The following MAP4K4 variants were observed in gnomAD, a reference collection of about 807,000 sequenced individuals.
MAP4K4 encodes HPK/GCK-like kinase HGK.
Under a neutral mutation model 189.6 loss-of-function variants are expected in MAP4K4, and 38 were observed. The ratio of observed to expected loss-of-function variants is 0.20; its 90% CI spans 0.15 to 0.26. The LOEUF (loss-of-function observed/expected upper bound fraction) is 0.26, where lower values mean the gene tolerates loss of function less well. Among genes scored for constraint, MAP4K4 ranks in the 10% least tolerant of loss-of-function variants. The probability of loss-of-function intolerance (pLI) is 1.00; values close to 1 mark genes in which losing one functional copy is unlikely to be tolerated. For synonymous variants in MAP4K4, 610 were observed against 624.3 expected (o/e 0.98, Z 0.34); for missense variants, 1,054 against 1,726.9 (o/e 0.61, Z 6.91).
exon 33 of MAP4K4, chr2:101,891,317 T>G: frequency 7.1e-7 from 1 of 1,402,612 alleles, no homozygotes; most frequent in Non-Finnish European, 1.0e-6. Context: ...GAATTCCTTG[T>G]AACTGGAGCT....
At chr2:101,816,401 C>G (rs2095716547) in intron 3 of MAP4K4, among the ~76,000 whole-genome samples, 1 of 152,188 alleles carries the variant, frequency 6.6e-6, no homozygotes, top group African/African-American at 2.4e-5. Context: ...GCTTATCACA[C>G]CCTCCTTTAG....
intron 27 of MAP4K4, among the ~76,000 whole-genome samples, chr2:101,879,014 A>G (rs1015899495): frequency 6.6e-6 from 1 of 151,918 alleles, no homozygotes; most frequent in Non-Finnish European, 1.5e-5. Context: ...ATCCAGTGAA[A>G]CAAGACAGTT....
intron 2 of MAP4K4, among the ~76,000 whole-genome samples, chr2:101,709,576 G>A (rs541418424): frequency 6.6e-6 from 1 of 152,244 alleles, no homozygotes; most frequent in South Asian, 2.1e-4. Flanking sequence ...CTATCAGCGA[G>A]GTCACTGGTA....
At chr2:101,854,372 C>G (rs1000573928) in intron 12 of MAP4K4, among the ~76,000 whole-genome samples, 5 of 152,162 alleles carry the variant, frequency 3.3e-5, no homozygotes, top group Non-Finnish European at 5.9e-5. Flanking sequence ...ATGACCCCAT[C>G]TCCACCCATG....
At chr2:101,894,236 C>T (rs1045471224) in exon 33 of MAP4K4, 1 of 152,682 alleles carries the variant, frequency 6.5e-6, no homozygotes, top group Non-Finnish European at 1.5e-5. Context: ...AGTGCTCTTC[C>T]AAACAAAACA....
intron 9 of MAP4K4, among the ~76,000 whole-genome samples, chr2:101,836,414 G>A (rs554646829): frequency 3.3e-5 from 5 of 152,002 alleles, no homozygotes; most frequent in East Asian, 1.9e-4. Flanking sequence ...GAGAAACCCC[G>A]TCTCTACTAT....
chr2:101,726,443 A>G (rs2055422928), intron 2 of MAP4K4, among the ~76,000 whole-genome samples: 1 of 152,140 alleles, frequency 6.6e-6, no homozygotes. Flanking sequence ...TTTCTTCCTT[A>G]GTATTTTAGT....
chr2:101,848,398 C>T (rs1320194288), intron 12 of MAP4K4, among the ~76,000 whole-genome samples: 1 of 152,126 alleles, frequency 6.6e-6, no homozygotes, highest in Non-Finnish European at 1.5e-5. Context: ...TGGTTCGTAG[C>T]CCTTTATTGG....
chr2:101,773,778 A>G (rs759702242), intron 2 of MAP4K4, among the ~76,000 whole-genome samples: 1 of 152,088 alleles, frequency 6.6e-6, no homozygotes, highest in Non-Finnish European at 1.5e-5. Context: ...CTTCTACTAT[A>G]TCTCCATGAG....
At chr2:101,729,174 C>T (rs569319989) in intron 2 of MAP4K4, among the ~76,000 whole-genome samples, 1 of 148,822 alleles carries the variant, frequency 6.7e-6, no homozygotes, top group African/African-American at 2.5e-5. Flanking sequence ...CCTGTAAGGC[C>T]TTCCCTGGAA....
intron 3 of MAP4K4, among the ~76,000 whole-genome samples, chr2:101,804,124 G>A (rs1221649801): frequency 1.3e-5 from 2 of 152,142 alleles, no homozygotes; most frequent in African/African-American, 4.8e-5. Flanking sequence ...ATTGTTCCAC[G>A]TTAGCCTGCA....
chr2:101,859,774 G>C, exon 15 of MAP4K4: 1 of 1,610,452 alleles, frequency 6.2e-7, no homozygotes, highest in Non-Finnish European at 8.5e-7. Flanking sequence ...ACTCGCAGCA[G>C]CCGCCACCAC....
At chr2:101,863,865 T>A (rs759674111) in exon 17 of MAP4K4, 8 of 1,367,738 alleles carry the variant, frequency 5.8e-6, no homozygotes, top group Non-Finnish European at 7.8e-6. Flanking sequence ...ATGTTTCCCC[T>A]GTCTCGCGAT....
intron 3 of MAP4K4, among the ~76,000 whole-genome samples, chr2:101,795,108 G>C (rs1018331563): frequency 6.6e-5 from 10 of 152,154 alleles, no homozygotes; most frequent in Admixed American, 2.0e-4. Context: ...CCCATTATTA[G>C]TGAAGCCAAG....
chr2:101,740,915 T>C lies in MAP4K4; in HGVS notation c.123+42377T>C, dbSNP rs142185756. Among the ~76,000 whole-genome samples, 139 of 152,306 alleles carry C rather than the reference T, an allele frequency of 9.1e-4. 4 individuals are homozygous for C. In the East Asian group the frequency reaches 0.017, roughly 19 times the overall value. ...AGTGATTACAGTCAGCATTTGAATG[T>C]GTATGAGCCAGACCCTGAACTGTTT... On this transcript the variant is annotated intron_variant, in intron 2 of 32. Coordinates refer to ENST00000324219, the Ensembl canonical transcript of MAP4K4.
In MAP4K4 at chr2:101,892,515, C is replaced by T. The variant is rs2098584649; in HGVS notation, c.*1266C>T. On this transcript the variant is annotated 3_prime_UTR_variant, in exon 33 of 33. Coordinates refer to ENST00000324219, the Ensembl canonical transcript of MAP4K4. The stretch of plus-strand genomic sequence containing the variant: ...GTTCTCGATGTAGAGGGGTTGGTAG[C>T]AGACAGGTGGTTACATTAGAATAGT... The T allele has an allele frequency of 1.5e-5, 3 of 200,484 alleles. No homozygotes were observed. In the South Asian group the frequency reaches 2.2e-4, roughly 15 times the overall value. 12.4% of individuals were successfully genotyped at this position (200,484 alleles called of 1,614,324 possible).
At chr2:101,720,887 A>G (rs2051492836) in intron 2 of MAP4K4, among the ~76,000 whole-genome samples, 1 of 152,138 alleles carries the variant, frequency 6.6e-6, no homozygotes, top group Non-Finnish European at 1.5e-5. Flanking sequence ...CATATTTTGC[A>G]TTTTGTTGCA....
rs80135123 is a variant in MAP4K4 at position 101,789,491 on chromosome 2, C to T, written c.124-1229C>T. Among the ~76,000 whole-genome samples, 1,112 of 152,222 alleles carry T rather than the reference C, an allele frequency of 7.3e-3. 14 individuals carry two copies. Among genetic ancestry groups the T allele is most frequent in the African/African-American group, 0.025 (1,051 of 41,538 alleles). On this transcript the variant is annotated intron_variant, in intron 2 of 32. Transcript: ENST00000324219. Reference sequence around the variant, plus strand: ...AGATAGGAGCCTGAGGCATACCAAGCGGTGTCTTACCCAGGTACAGTTACT... The same window carrying T: ...AGATAGGAGCCTGAGGCATACCAAGTGGTGTCTTACCCAGGTACAGTTACT...
At chr2:101,838,463 T>C (rs1290659915) in intron 9 of MAP4K4, among the ~76,000 whole-genome samples, 2 of 152,252 alleles carry the variant, frequency 1.3e-5, no homozygotes, top group East Asian at 3.8e-4. Context: ...CTTTTAATAC[T>C]AGCCTCAGAA....
Sources: allele counts gnomAD v4.1 joint callset (sites outside exome capture counted in the v4.1 genomes callset), GRCh38; gene constraint gnomAD v4.1.1; transcripts MANE v1.5; gene names NCBI Gene and HGNC (gene_info 2026-07-23, HGNC 2026-07-21).